The following CEP112 variants were observed in gnomAD, a reference collection of about 807,000 sequenced individuals.
CEP112 encodes centrosomal protein 112, also known as centrosomal protein of 112 kDa.
A neutral mutation model predicts 153.0 loss-of-function variants in CEP112; 127 were observed. The observed-to-expected ratio is 0.83, with a 90% CI of 0.72 to 0.96. The LOEUF (loss-of-function observed/expected upper bound fraction) is 0.96, where lower values mean the gene tolerates loss of function less well. Ranked by LOEUF, CEP112 falls within the 40% of genes least tolerant of loss-of-function variation. The probability of loss-of-function intolerance (pLI) is 0.00; values close to 1 mark genes in which losing one functional copy is unlikely to be tolerated. For synonymous variants in CEP112, 358 were observed against 374.4 expected (o/e 0.96, Z 0.51); for missense variants, 1,089 against 1,101.2 (o/e 0.99, Z 0.16).
intron 24 of CEP112, among the ~76,000 whole-genome samples, chr17:65,668,525 A>G (rs866947438): frequency 6.6e-6 from 1 of 152,138 alleles, no homozygotes. Context: ...AAGTCTATAT[A>G]ATTCATAACC....
intron 24 of CEP112, among the ~76,000 whole-genome samples, chr17:65,646,016 G>A (rs58506065): frequency 0.015 from 2,337 of 152,170 alleles, 50 homozygotes; most frequent in Middle Eastern, 0.024. Flanking sequence ...TGGAGGTCAC[G>A]GCCAAGTACT....
chr17:66,000,245 T>G (rs1400939051), intron 17 of CEP112, among the ~76,000 whole-genome samples: 2 of 89,502 alleles, frequency 2.2e-5, no homozygotes, highest in African/African-American at 3.9e-5. Context: ...TTTTTTGTCT[T>G]TTTAGTAATA....
intron 21 of CEP112, among the ~76,000 whole-genome samples, chr17:65,816,993 C>T (rs1171656544): frequency 6.6e-6 from 1 of 151,952 alleles, no homozygotes; most frequent in East Asian, 1.9e-4. Context: ...ATTCTTTCTT[C>T]CAGCAAATGC....
chr17:66,010,776 G>T (rs1161686249), intron 16 of CEP112, among the ~76,000 whole-genome samples: 1 of 152,212 alleles, frequency 6.6e-6, no homozygotes, highest in Non-Finnish European at 1.5e-5. Flanking sequence ...ATTTGCATAT[G>T]TTGAGTCAAC....
chr17:65,978,193 C>T (rs920981012), intron 17 of CEP112, among the ~76,000 whole-genome samples: 4 of 151,950 alleles, frequency 2.6e-5, no homozygotes, highest in African/African-American at 9.7e-5. Context: ...GAGGTTGAGG[C>T]TGCAGTGGGC....
At chr17:65,668,076 T>C (rs1399340431) in intron 24 of CEP112, among the ~76,000 whole-genome samples, 5 of 152,114 alleles carry the variant, frequency 3.3e-5, no homozygotes, top group African/African-American at 1.2e-4. Context: ...TTCGTATTTT[T>C]AGTAGAGATG....
chr17:65,654,037 A>C (rs543132712), intron 24 of CEP112, among the ~76,000 whole-genome samples: 1 of 146,554 alleles, frequency 6.8e-6, no homozygotes, highest in East Asian at 2.0e-4. Flanking sequence ...CTAGCCTGGC[A>C]ACCAGAGCAA....
At chr17:65,873,250 C>T (rs918473615) in intron 20 of CEP112, 2 of 152,226 alleles carry the variant, frequency 1.3e-5, no homozygotes, top group Non-Finnish European at 2.9e-5. Flanking sequence ...TGTTACCCTC[C>T]ATCTCTGATC....
intron 16 of CEP112, among the ~76,000 whole-genome samples, chr17:66,013,235 T>G (rs2064616492): frequency 6.6e-6 from 1 of 152,206 alleles, no homozygotes; most frequent in Non-Finnish European, 1.5e-5. Flanking sequence ...TTCAGCCTGG[T>G]TAAGAACCAT....
rs9889678 is a variant in CEP112 at position 66,127,305 on chromosome 17, G to A, written c.642+2441C>T. ...CTAAGGGCAAAGGTGAGTTTAAAAG[G>A]ATAGCTCCAGAATTTTCTTTTCCAC... is the stretch of plus-strand genomic sequence containing the variant. On this transcript the variant is annotated intron_variant, in intron 6 of 26. Transcript: ENST00000535342. Among the ~76,000 whole-genome samples, 812 of 152,262 alleles carry A rather than the reference G, an allele frequency of 5.3e-3. 8 individuals carry two copies. Among genetic ancestry groups the A allele is most frequent in the African/African-American group, 0.019 (781 of 41,548 alleles).
chr17:65,978,470 C>T (rs2063116538), intron 17 of CEP112, among the ~76,000 whole-genome samples: 1 of 152,204 alleles, frequency 6.6e-6, no homozygotes. Flanking sequence ...GGTCAAATTG[C>T]TTGAACAATC....
At chr17:66,070,515 T>TGCAC (rs2067272848) in intron 8 of CEP112, among the ~76,000 whole-genome samples, 4 of 152,056 alleles carry the variant, frequency 2.6e-5, no homozygotes, top group Non-Finnish European at 4.4e-5. Flanking sequence ...TTTCGACAGT[T>TGCAC]TTTCAGTTCT....
chr17:66,067,618 T>C (rs1215031734), intron 9 of CEP112, among the ~76,000 whole-genome samples: 1 of 152,168 alleles, frequency 6.6e-6, no homozygotes, highest in Non-Finnish European at 1.5e-5. Flanking sequence ...ATCTCATAAA[T>C]GGTTTCCCCC....
At chr17:66,065,334 C>T (rs1598276252) in intron 10 of CEP112, among the ~76,000 whole-genome samples, 1 of 152,122 alleles carries the variant, frequency 6.6e-6, no homozygotes, top group Non-Finnish European at 1.5e-5. Context: ...TATCATACAT[C>T]GGACACTGGT....
chr17:66,121,254 C>A (rs895207353), intron 6 of CEP112, among the ~76,000 whole-genome samples: 1 of 148,104 alleles, frequency 6.8e-6, no homozygotes, highest in African/African-American at 2.5e-5. Context: ...CTAGCCTGGG[C>A]AACATGAGCG....
intron 21 of CEP112, among the ~76,000 whole-genome samples, chr17:65,821,531 TATA>T (rs2056566550): frequency 1.1e-4 from 3 of 27,692 alleles, no homozygotes; most frequent in East Asian, 1.4e-3. Flanking sequence ...TATATATATA[TATA>T]TATATATTTT....
intron 6 of CEP112, among the ~76,000 whole-genome samples, chr17:66,128,354 A>T (rs2069959942): frequency 6.6e-6 from 1 of 151,410 alleles, no homozygotes; most frequent in Non-Finnish European, 1.5e-5. Context: ...AAAAAAAAAG[A>T]CCTAAAAGAT....
chr17:65,963,014 C>G (rs2062269689), intron 17 of CEP112, among the ~76,000 whole-genome samples: 1 of 152,164 alleles, frequency 6.6e-6, no homozygotes, highest in Admixed American at 6.5e-5. Context: ...TTATTACATC[C>G]TTACTTACAC....
chr17:65,780,455 C>T (rs966491859), intron 21 of CEP112, among the ~76,000 whole-genome samples: 2 of 152,062 alleles, frequency 1.3e-5, no homozygotes, highest in Non-Finnish European at 2.9e-5. Context: ...CTTTACTTTG[C>T]TCTAGGGAAG....
Sources: allele counts gnomAD v4.1 joint callset (sites outside exome capture counted in the v4.1 genomes callset), GRCh38; gene constraint gnomAD v4.1.1; transcripts MANE v1.5; gene names NCBI Gene and HGNC (gene_info 2026-07-23, HGNC 2026-07-21).